SEM1: variants seen among roughly 807,000 people sequenced by gnomAD.
SEM1 encodes SEM1 26S proteasome subunit, also known as 26S proteasome complex subunit SEM1.
In SEM1, 3 loss-of-function variants were observed where a neutral mutation model predicts 12.7. That is an observed-to-expected ratio of 0.24 (90% confidence interval 0.11 to 0.61). SEM1 has a LOEUF of 0.61. Ranked by LOEUF, SEM1 falls within the 20% of genes least tolerant of loss-of-function variation. The pLI, the probability that SEM1 is intolerant of heterozygous loss-of-function variation, is 0.88. For synonymous variants in SEM1, 30 were observed against 27.8 expected (o/e 1.08, Z -0.25); for missense variants, 59 against 81.3 (o/e 0.73, Z 1.06).
At chr7:96,623,662 T>C (rs1310238026) in intron 2 of SEM1, among the ~76,000 whole-genome samples, 2 of 151,364 alleles carry the variant, frequency 1.3e-5, no homozygotes, top group African/African-American at 4.8e-5. Flanking sequence ...TTATTGTCTA[T>C]ATATGGAAGA....
chr7:96,604,814 G>A (rs1209464574), intron 2 of SEM1, among the ~76,000 whole-genome samples: 5 of 152,056 alleles, frequency 3.3e-5, no homozygotes, highest in Admixed American at 6.5e-5. Context: ...AGCTACTCAG[G>A]ACGCTGAGGC....
intron 2 of SEM1, among the ~76,000 whole-genome samples, chr7:96,692,006 A>G (rs1584866869): frequency 6.6e-6 from 1 of 152,212 alleles, no homozygotes; most frequent in East Asian, 1.9e-4. Context: ...TCAGGCAAAA[A>G]ACAACAACAG....
rs116670433 is a variant in SEM1 at position 96,564,574 on chromosome 7, A to G, written c.171-57876T>C. ...CCCTTTCCTTGACCGTGCCGGCTAG[A>G]AAGTGAATGTGATGGCTGGGGCTTC... is the stretch of plus-strand genomic sequence containing the variant. On this transcript the variant is annotated intron_variant and NMD_transcript_variant, in intron 2 of 3. Coordinates refer to the SEM1 transcript ENST00000466986. Among the ~76,000 whole-genome samples the G allele has an allele frequency of 4.1e-3, 631 of 152,130 alleles. 2 individuals are homozygous for G. Among genetic ancestry groups the G allele is most frequent in the African/African-American group, 0.014 (595 of 41,536 alleles).
rs1023821213 is a variant in SEM1, at chr7:96,693,790, G to GTGTA, written c.170+1007_170+1008insTACA. Among the ~76,000 whole-genome samples, 306 of 145,518 alleles carry GTGTA rather than the reference G, an allele frequency of 2.1e-3. 2 individuals are homozygous for GTGTA. Among genetic ancestry groups the GTGTA allele is most frequent in the African/African-American group, 7.3e-3 (279 of 38,288 alleles). ...TGTGTGTGTGTGTGTGTGTGTGTGT[G>GTGTA]TATATATATATATATAAAATTTCTT... On this transcript the variant is annotated intron_variant, in intron 2 of 2. Transcript: ENST00000248566.
intron 2 of SEM1, among the ~76,000 whole-genome samples, chr7:96,634,143 AT>A (rs1302464438): frequency 6.6e-6 from 1 of 152,144 alleles, no homozygotes; most frequent in Non-Finnish European, 1.5e-5. Context: ...ACCTATGAAA[AT>A]TGAGCAAATA....
Position 96,569,568 on chromosome 7 carries a change from G to A in SEM1, c.171-62870C>T, listed in dbSNP as rs546406454. Among the ~76,000 whole-genome samples the A allele has an allele frequency of 3.4e-3, 522 of 151,742 alleles. 1 individual carries two copies. Among genetic ancestry groups the A allele is most frequent in the African/African-American group, 0.012 (492 of 41,386 alleles). On this transcript the variant is annotated intron_variant and NMD_transcript_variant, in intron 2 of 3. Coordinates refer to the SEM1 transcript ENST00000466986. ...TTTAAAATATATTTTTATTCTTATA[G>A]ATACAGGGGGTACAAGTGCAGATTT... is the stretch of plus-strand genomic sequence containing the variant.
intron 2 of SEM1, among the ~76,000 whole-genome samples, chr7:96,678,350 A>C (rs1400684371): frequency 6.6e-6 from 1 of 152,170 alleles, no homozygotes; most frequent in Non-Finnish European, 1.5e-5. Context: ...TCATGGTCAC[A>C]AATATATAGA....
intron 2 of SEM1, among the ~76,000 whole-genome samples, chr7:96,551,196 G>A (rs1304050145): frequency 6.6e-6 from 1 of 152,128 alleles, no homozygotes; most frequent in African/African-American, 2.4e-5. Flanking sequence ...ACAGTTTTGA[G>A]GAAGTTTTGG....
At chr7:96,688,129 A>T (rs1789817128), downstream of SEM1, 1 of 152,166 alleles carries the variant, frequency 6.6e-6, no homozygotes. Context: ...TTAAGTCATC[A>T]CAAAGAATCC....
chr7:96,705,533 T>C (rs1195561515), intron 1 of SEM1, among the ~76,000 whole-genome samples: 1 of 152,104 alleles, frequency 6.6e-6, no homozygotes, highest in African/African-American at 2.4e-5. Context: ...TAGTCAACGT[T>C]TTAAATAAAT....
At chr7:96,578,784 C>T (rs1035581071) in intron 2 of SEM1, among the ~76,000 whole-genome samples, 1 of 152,178 alleles carries the variant, frequency 6.6e-6, no homozygotes, top group African/African-American at 2.4e-5. Flanking sequence ...CTAATTAATG[C>T]TAGGCTGGGT....
intron 2 of SEM1, among the ~76,000 whole-genome samples, chr7:96,601,660 AC>A (rs2116192409): frequency 6.6e-6 from 1 of 152,300 alleles, no homozygotes; most frequent in South Asian, 2.1e-4. Context: ...CTAAGGGCCA[AC>A]TTTTACTGTC....
At chr7:96,680,650 G>A (rs997953360) in intron 2 of SEM1, among the ~76,000 whole-genome samples, 2 of 152,088 alleles carry the variant, frequency 1.3e-5, no homozygotes, top group Non-Finnish European at 2.9e-5. Flanking sequence ...GTAACAAAGA[G>A]GGTAGGAGTA....
intron 2 of SEM1, among the ~76,000 whole-genome samples, chr7:96,541,430 GGTTTTTTTTTTT>G (rs1206935637): frequency 7.7e-6 from 1 of 129,266 alleles, no homozygotes; most frequent in African/African-American, 3.4e-5. Flanking sequence ...CTTTTTAATG[GGTTTTTTTTTTT>G]GTTTTTTTTT....
At chr7:96,588,393 C>T (rs56137110) in intron 2 of SEM1, among the ~76,000 whole-genome samples, 5 of 64,526 alleles carry the variant, frequency 7.7e-5, no homozygotes, top group Non-Finnish European at 1.7e-4. Context: ...CACACACACA[C>T]ACACGAGAGA....
At chr7:96,584,714 C>A in intron 2 of SEM1, among the ~76,000 whole-genome samples, 1 of 151,886 alleles carries the variant, frequency 6.6e-6, no homozygotes, top group East Asian at 1.9e-4. Flanking sequence ...TCATTTCATT[C>A]ATTTCATCTT....
rs1166721336 is a variant in SEM1, at chr7:96,546,348, ACTC to A, written c.171-39653_171-39651del. 4.0e-5 allele frequency among the ~76,000 whole-genome samples: 6 copies of A among 151,830 alleles called. No homozygotes were observed. The East Asian group carries it at 1.2e-3, about 30-fold the overall frequency. ...GTTCCTCATCTTGAACTGAATACAC[ACTC>A]CTCATACTCTCAAACCAATTGTCAC... On this transcript the variant is annotated intron_variant and NMD_transcript_variant, in intron 2 of 3. Transcript: ENST00000466986.
chr7:96,527,077 A>G (rs1804488482), intron 2 of SEM1, among the ~76,000 whole-genome samples: 1 of 152,108 alleles, frequency 6.6e-6, no homozygotes, highest in South Asian at 2.1e-4. Flanking sequence ...GTGCACCAAG[A>G]AAGTTAACTC....
intron 2 of SEM1, among the ~76,000 whole-genome samples, chr7:96,550,409 C>T (rs1240416451): frequency 6.6e-6 from 1 of 152,128 alleles, no homozygotes; most frequent in African/African-American, 2.4e-5. Context: ...ATTTTCTGAA[C>T]TGCATTTATT....
Sources: gnomAD v4.1 joint callset for allele counts (sites outside exome capture counted in the v4.1 genomes callset) on GRCh38, gnomAD v4.1.1 for gene constraint, MANE v1.5 for transcripts, NCBI Gene and HGNC (gene_info 2026-07-23, HGNC 2026-07-21) for gene names.